The following SLC7A6 variants were observed in gnomAD, a reference collection of about 807,000 sequenced individuals.
The protein encoded by SLC7A6 is solute carrier family 7 member 6.
Under a neutral mutation model 46.6 loss-of-function variants are expected in SLC7A6, and 29 were observed. The observed-to-expected ratio is 0.62, with a 90% confidence interval of 0.46 to 0.85. SLC7A6 has a LOEUF of 0.85. SLC7A6 is among the 40% of genes least tolerant of loss of function. The pLI is 0.00. For missense variants in SLC7A6, 527 were observed against 647.6 expected (o/e 0.81, Z 2.02); for synonymous variants, 276 against 257.3 (o/e 1.07, Z -0.70).
chr16:68,290,976 C>A lies in SLC7A6; in HGVS notation c.795-233C>A, dbSNP rs138207255. On this transcript the variant is annotated intron_variant, in intron 5 of 10. Transcript: ENST00000219343. The stretch of plus-strand genomic sequence containing the variant: ...AGGAGGATTATGAAACCCAGTAGGA[C>A]CCATTGGTCCTACTGTGGCAAAGAT... 9.7e-4 allele frequency: 524 copies of A among 540,572 alleles called. 3 individuals are homozygous for A. Among genetic ancestry groups the A allele is most frequent in the African/African-American group, 9.2e-3 (482 of 52,548 alleles). The allele number at this position is 540,572 out of a possible 1,614,324, so 33.5% of individuals were successfully genotyped here.
At chr16:68,277,563 G>C (rs955253285) in intron 3 of SLC7A6, among the ~76,000 whole-genome samples, 3 of 151,712 alleles carry the variant, frequency 2.0e-5, no homozygotes, top group Admixed American at 6.6e-5. Context: ...CGCCCGCCTC[G>C]GCCTCCCAAA....
chr16:68,277,672 G>C (rs780378145), intron 3 of SLC7A6, among the ~76,000 whole-genome samples: 9 of 151,754 alleles, frequency 5.9e-5, no homozygotes, highest in Non-Finnish European at 1.0e-4. Flanking sequence ...TTGCTGCCCA[G>C]GCTAGAGTGC....
chr16:68,267,825 G>A (rs917655543), intron 2 of SLC7A6, among the ~76,000 whole-genome samples: 1 of 152,180 alleles, frequency 6.6e-6, no homozygotes, highest in African/African-American at 2.4e-5. Flanking sequence ...CCAACCTCCG[G>A]GGAGGGGAGA....
At chr16:68,279,840 C>T (rs985915088) in intron 3 of SLC7A6, among the ~76,000 whole-genome samples, 4 of 152,208 alleles carry the variant, frequency 2.6e-5, no homozygotes, top group African/African-American at 9.7e-5. Context: ...AGTGTGGGCC[C>T]GCCAGCCTCT....
intron 8 of SLC7A6, 152 bp from the exon 9 acceptor site, chr16:68,296,212 A>G: frequency 1.3e-6 from 1 of 759,894 alleles, no homozygotes; most frequent in South Asian, 1.7e-5. Flanking sequence ...ACATCAAGGA[A>G]TGGACCTATC....
At chr16:68,291,503 A>C in intron 6 of SLC7A6, 55 bp from the exon 7 acceptor site, 1 of 1,593,944 alleles carries the variant, frequency 6.3e-7, no homozygotes, top group Non-Finnish European at 8.6e-7. Context: ...TCATAGATGC[A>C]GGAGGATTAT....
intron 3 of SLC7A6, among the ~76,000 whole-genome samples, chr16:68,285,265 T>C (rs1423083340): frequency 2.0e-5 from 3 of 152,140 alleles, no homozygotes; most frequent in African/African-American, 7.2e-5. Context: ...TCAACTTGGG[T>C]CCAGTGTCTG....
intron 2 of SLC7A6, among the ~76,000 whole-genome samples, chr16:68,270,893 C>G (rs1596968185): frequency 7.0e-6 from 1 of 143,292 alleles, no homozygotes; most frequent in East Asian, 2.0e-4. Flanking sequence ...CAGTCTTGCT[C>G]TGTTGCCCAG....
rs1189220005 is a variant in SLC7A6 at position 68,267,206 on chromosome 16, ATTTTTTT to A, written c.-37+504_-37+510del. ...CGTCTCAGCCTCCCAATTGTGGTGGATTTTTTTTTTTTTTTTTTTTTTTTTGAGAAGG... is the reference window on the plus strand; with the variant it reads ...CGTCTCAGCCTCCCAATTGTGGTGGATTTTTTTTTTTTTTTTTTGAGAAGG... On this transcript the variant is annotated intron_variant, in intron 2 of 10. Transcript: ENST00000219343. Among the ~76,000 whole-genome samples the A allele has an allele frequency of 3.3e-3, 293 of 87,692 alleles. 1 individual carries two copies. Among genetic ancestry groups the A allele is most frequent in the Middle Eastern group, 0.018 (2 of 114 alleles). 57.5% of individuals were successfully genotyped at this position (87,692 alleles called of 152,430 possible).
intron 3 of SLC7A6, 93 bp downstream of exon 3, chr16:68,275,342 TC>T (rs2042691759): frequency 2.7e-6 from 4 of 1,481,438 alleles, no homozygotes; most frequent in Admixed American, 1.9e-5. Flanking sequence ...ATGCCTATAA[TC>T]CCAGCACTTT....
At position 68,296,640 on chromosome 16, in the gene SLC7A6, T is replaced by A. The variant is rs1474108484; in HGVS notation, c.1283T>A (p.Phe428Tyr). The change falls in exon 10 of 11, where the codon TTC (phenylalanine) becomes TAC (tyrosine). Residue 428 changes from phenylalanine to tyrosine, a missense_variant. Transcript: ENST00000219343. ...CCTCTATTTCAGCTGAGCGTGTTTT[T>A]CCCCATCGTGTTCTGCATATGCTCC... The part of the protein sequence containing the change: ...RPRPLKLSVF[F>Y]PIVFCICSVF... 6.2e-7 allele frequency: 1 copy of A among 1,614,204 alleles called. No homozygotes were observed.
At chr16:68,278,620 G>A (rs1433055332) in intron 3 of SLC7A6, among the ~76,000 whole-genome samples, 4 of 151,228 alleles carry the variant, frequency 2.6e-5, no homozygotes, top group Admixed American at 6.6e-5. Context: ...AGAGAGCACC[G>A]GGTTGGGGGT....
At chr16:68,296,329 C>T (rs374810032) in intron 8 of SLC7A6, 35 bp from the exon 9 acceptor site, 14 of 1,611,712 alleles carry the variant, frequency 8.7e-6, no homozygotes, top group African/African-American at 8.0e-5. Context: ...CAGGTGGTGA[C>T]GATGCTCACC....
At chr16:68,278,788 C>G (rs1050934184) in intron 3 of SLC7A6, among the ~76,000 whole-genome samples, 5 of 152,224 alleles carry the variant, frequency 3.3e-5, no homozygotes, top group Non-Finnish European at 7.3e-5. Flanking sequence ...GACAAAACCG[C>G]CATCGTCATC....
Position 68,279,170 on chromosome 16 carries a change from T to TG in SLC7A6, c.523+3921_523+3922insG, listed in dbSNP as rs1555530939. 6.2e-4 allele frequency among the ~76,000 whole-genome samples: 90 copies of TG among 145,006 alleles called. 1 individual carries two copies. In the Middle Eastern group the frequency reaches 0.031, roughly 50 times the overall value. On this transcript the variant is annotated intron_variant, in intron 3 of 10. Transcript: ENST00000219343. ...GGGCAACAAAGCAAGACCCCACCTCTAAAAAAAAAAAAAATTAGGCATGGT... is the reference window on the plus strand; with the variant it reads ...GGGCAACAAAGCAAGACCCCACCTCTGAAAAAAAAAAAAAATTAGGCATGGT...
intron 3 of SLC7A6, among the ~76,000 whole-genome samples, chr16:68,286,775 A>G (rs1489715757): frequency 6.6e-6 from 1 of 152,096 alleles, no homozygotes; most frequent in East Asian, 1.9e-4. Context: ...GCGCTTCTCC[A>G]TGGACTTCAT....
chr16:68,275,286 T>C, intron 3 of SLC7A6, 37 bp downstream of exon 3: 4 of 801,418 alleles, frequency 5.0e-6, no homozygotes, highest in African/African-American at 2.1e-5. Context: ...TGTTGGGGGG[T>C]GGGGGGTACT....
chr16:68,287,660 G>A, intron 3 of SLC7A6, 86 bp from the exon 4 acceptor site: 1 of 1,558,734 alleles, frequency 6.4e-7, no homozygotes, highest in Non-Finnish European at 8.7e-7. Flanking sequence ...GGCAGGAAGG[G>A]CAGAAAGAGT....
chr16:68,291,172 T>C lies in SLC7A6; in HGVS notation c.795-37T>C, dbSNP rs762071818. On this transcript the variant is annotated intron_variant, in intron 5 of 10. Coordinates refer to ENST00000219343, the MANE Select transcript of SLC7A6 (RefSeq NM_003983.6). The stretch of plus-strand genomic sequence containing the variant: ...GATAAACTTTGTTCCCAAGGAGAGG[T>C]TGGTTCTAGGTAGTCCTTTCTCACT... 12 of 1,613,578 alleles carry C rather than the reference T, an allele frequency of 7.4e-6. 1 individual carries two copies. In the South Asian group the frequency reaches 7.7e-5, roughly 10 times the overall value.
Sources: allele counts gnomAD v4.1 joint callset (sites outside exome capture counted in the v4.1 genomes callset), GRCh38; gene constraint gnomAD v4.1.1; transcripts MANE v1.5; gene names NCBI Gene and HGNC (gene_info 2026-07-23, HGNC 2026-07-21).